Variants in DLGAP1 observed in about 807,000 individuals in gnomAD.
DLGAP1 encodes the protein DLG associated protein 1.
In DLGAP1, 11 loss-of-function variants were observed where a neutral mutation model predicts 90.8. The observed-to-expected ratio is 0.12, with a 90% CI of 0.08 to 0.20. The LOEUF (loss-of-function observed/expected upper bound fraction) is 0.20. Ranked by LOEUF, DLGAP1 falls within the 10% of genes least tolerant of loss-of-function variation. The pLI is 1.00. For synonymous variants in DLGAP1, 558 were observed against 540.7 expected (o/e 1.03, Z -0.44); for missense variants, 1,050 against 1,333.8 (o/e 0.79, Z 3.31).
chr18:4,337,928 A>C (rs2081108029), intron 1 of DLGAP1, among the ~76,000 whole-genome samples: 1 of 152,120 alleles, frequency 6.6e-6, no homozygotes, highest in African/African-American at 2.4e-5. Flanking sequence ...ATATTGTCTC[A>C]ACATTTCCCT....
intron 1 of DLGAP1, among the ~76,000 whole-genome samples, chr18:4,255,736 C>G (rs948258629): frequency 6.6e-6 from 1 of 151,838 alleles, no homozygotes; most frequent in African/African-American, 2.4e-5. Flanking sequence ...ACCTAAACCT[C>G]TAAGTGAAAT....
intron 1 of DLGAP1, among the ~76,000 whole-genome samples, chr18:4,288,000 T>A (rs1189956306): frequency 6.6e-6 from 1 of 151,952 alleles, no homozygotes. Context: ...TACAGGCTTG[T>A]GTTAAGAATT....
At chr18:3,900,842 C>T (rs1046449342) in intron 3 of DLGAP1, among the ~76,000 whole-genome samples, 1 of 152,098 alleles carries the variant, frequency 6.6e-6, no homozygotes, top group African/African-American at 2.4e-5. Flanking sequence ...ACAAAAAGGA[C>T]AAGGAGAAAG....
intron 3 of DLGAP1, among the ~76,000 whole-genome samples, chr18:4,001,124 C>A (rs977343592): frequency 1.3e-5 from 2 of 150,790 alleles, no homozygotes; most frequent in Admixed American, 1.3e-4. Flanking sequence ...TCATTCTTTT[C>A]TTTTCTATTT....
At chr18:4,048,910 T>C (rs985395199) in intron 2 of DLGAP1, among the ~76,000 whole-genome samples, 1 of 152,200 alleles carries the variant, frequency 6.6e-6, no homozygotes, top group African/African-American at 2.4e-5. Flanking sequence ...AGTTCACATG[T>C]AACCCTTATT....
chr18:4,031,277 G>A (rs1379766827), intron 2 of DLGAP1, among the ~76,000 whole-genome samples: 1 of 152,080 alleles, frequency 6.6e-6, no homozygotes, highest in Non-Finnish European at 1.5e-5. Context: ...AAGGAAGGTG[G>A]AGTTTTAGCT....
chr18:4,308,119 C>A (rs1048746029), intron 1 of DLGAP1, among the ~76,000 whole-genome samples: 1 of 152,154 alleles, frequency 6.6e-6, no homozygotes, highest in Non-Finnish European at 1.5e-5. Flanking sequence ...TTCACTTATG[C>A]ACAAGAGGAA....
chr18:3,672,362 G>C (rs973439053), intron 7 of DLGAP1, among the ~76,000 whole-genome samples: 28 of 152,082 alleles, frequency 1.8e-4, no homozygotes, highest in Non-Finnish European at 2.9e-4. Flanking sequence ...CGGATCACCT[G>C]AGGTCAGGAG....
chr18:4,023,269 CT>C lies in DLGAP1; in HGVS notation c.-158-18069del, dbSNP rs1252238362. On this transcript the variant is annotated intron_variant, in intron 2 of 12. Transcript: ENST00000315677. ...TATTTTTTTTCTTTAGGTTTTCTTT[CT>C]TTTTCTCCTTTCTTTTCTTTTTAAA... 2.6e-5 allele frequency among the ~76,000 whole-genome samples: 4 copies of C among 151,860 alleles called. No individual in the cohort carries two copies. The South Asian group carries it at 8.3e-4, about 32-fold the overall frequency.
chr18:4,010,297 C>A (rs546579421), intron 2 of DLGAP1, among the ~76,000 whole-genome samples: 1 of 152,166 alleles, frequency 6.6e-6, no homozygotes, highest in African/African-American at 2.4e-5. Flanking sequence ...GTAATCCCAG[C>A]ACTTTGGGAA....
chr18:4,136,381 C>T lies in DLGAP1; in HGVS notation c.-159+14799G>A, dbSNP rs2076402165. 1.3e-5 allele frequency among the ~76,000 whole-genome samples: 2 copies of T among 152,140 alleles called. 1 individual carries two copies. The highest frequency in any genetic ancestry group is 1.3e-4 in the Admixed American group (2 of 15,276). On this transcript the variant is annotated intron_variant, in intron 2 of 12. Transcript: ENST00000315677. Reference sequence around the variant, plus strand: ...CCTCCAGCACTGGTTTCCCTTTTCCCCACATCCTCACCAGCATTTGTTATT... The same window carrying T: ...CCTCCAGCACTGGTTTCCCTTTTCCTCACATCCTCACCAGCATTTGTTATT...
chr18:3,784,971 G>T (rs940777690), intron 5 of DLGAP1, among the ~76,000 whole-genome samples: 3 of 152,046 alleles, frequency 2.0e-5, no homozygotes, highest in Non-Finnish European at 4.4e-5. Context: ...TTCTGGGTTT[G>T]TAAAATGAAA....
At chr18:4,120,798 C>T (rs918596949) in intron 2 of DLGAP1, among the ~76,000 whole-genome samples, 1 of 145,122 alleles carries the variant, frequency 6.9e-6, no homozygotes, top group African/African-American at 2.7e-5. Flanking sequence ...CTCCCTCCCT[C>T]CTTCTCTCCT....
chr18:3,967,791 G>A (rs1357019355), intron 3 of DLGAP1, among the ~76,000 whole-genome samples: 1 of 152,056 alleles, frequency 6.6e-6, no homozygotes, highest in East Asian at 1.9e-4. Flanking sequence ...TCGAGTTTAT[G>A]TATTTCCACA....
intron 2 of DLGAP1, among the ~76,000 whole-genome samples, chr18:4,095,636 C>A (rs994626365): frequency 1.3e-5 from 2 of 151,860 alleles, no homozygotes; most frequent in Admixed American, 1.3e-4. Flanking sequence ...GCCAGAAAGA[C>A]AGATAGGGCT....
At chr18:4,264,928 T>TACCTTTGAATTTC (rs1384926933) in intron 1 of DLGAP1, 3 of 152,194 alleles carry the variant, frequency 2.0e-5, no homozygotes, top group Admixed American at 6.5e-5. Context: ...CTTTGAATCT[T>TACCTTTGAATTTC]ACCTTTGAAT....
chr18:3,627,492 T>TCCCA (rs2058338673), intron 7 of DLGAP1, among the ~76,000 whole-genome samples: 1 of 151,294 alleles, frequency 6.6e-6, no homozygotes, highest in Admixed American at 6.6e-5. Flanking sequence ...CCTGTCCTTC[T>TCCCA]CCCACACGCT....
intron 7 of DLGAP1, among the ~76,000 whole-genome samples, chr18:3,695,923 G>A (rs1387142093): frequency 2.0e-5 from 3 of 152,088 alleles, no homozygotes; most frequent in African/African-American, 7.2e-5. Context: ...CACATCCCTT[G>A]TAAGTTGTAT....
intron 7 of DLGAP1, among the ~76,000 whole-genome samples, chr18:3,707,070 G>T (rs1447262677): frequency 3.9e-5 from 6 of 152,162 alleles, no homozygotes; most frequent in African/African-American, 1.4e-4. Flanking sequence ...GAAATGGGTT[G>T]TTAAGGGACT....
Sources: allele counts gnomAD v4.1 joint callset (sites outside exome capture counted in the v4.1 genomes callset), GRCh38; gene constraint gnomAD v4.1.1; transcripts MANE v1.5; gene names NCBI Gene and HGNC (gene_info 2026-07-23, HGNC 2026-07-21).